Variants in SEMA3E observed in about 807,000 individuals in gnomAD.
SEMA3E encodes semaphorin-3E.
A neutral mutation model predicts 93.6 loss-of-function variants in SEMA3E; 49 were observed. The ratio of observed to expected loss-of-function variants is 0.52; its 90% CI spans 0.42 to 0.66. SEMA3E has a LOEUF of 0.66. SEMA3E is among the 30% of genes least tolerant of loss of function. SEMA3E has a pLI of 0.00. For missense variants in SEMA3E, 906 were observed against 964.8 expected (o/e 0.94, Z 0.81); for synonymous variants, 363 against 330.7 (o/e 1.10, Z -1.06).
chr7:83,472,504 C>T (rs1789919728), intron 2 of SEMA3E, among the ~76,000 whole-genome samples: 1 of 151,998 alleles, frequency 6.6e-6, no homozygotes, highest in Non-Finnish European at 1.5e-5. Flanking sequence ...ATTGTTTATC[C>T]CCACATCTGC....
intron 1 of SEMA3E, among the ~76,000 whole-genome samples, chr7:83,530,606 G>A (rs1181459247): frequency 1.3e-5 from 2 of 152,148 alleles, no homozygotes; most frequent in Admixed American, 6.6e-5. Context: ...GCCAGGCGTG[G>A]TGGCTCATGC....
chr7:83,472,355 T>C (rs980705150), intron 2 of SEMA3E, among the ~76,000 whole-genome samples: 2 of 152,204 alleles, frequency 1.3e-5, no homozygotes, highest in Non-Finnish European at 2.9e-5. Context: ...TAAAAATTCA[T>C]ATTTATCTGT....
chr7:83,459,443 C>T (rs1789562940), intron 4 of SEMA3E, among the ~76,000 whole-genome samples: 1 of 152,126 alleles, frequency 6.6e-6, no homozygotes, highest in Non-Finnish European at 1.5e-5. Flanking sequence ...GGTAAATATT[C>T]TGACTGTGTA....
chr7:83,540,218 C>A (rs1791492715), intron 1 of SEMA3E, among the ~76,000 whole-genome samples: 1 of 152,108 alleles, frequency 6.6e-6, no homozygotes, highest in Non-Finnish European at 1.5e-5. Flanking sequence ...AGAACAAATA[C>A]AATTAGCTAG....
At chr7:83,602,666 C>T (rs937538004) in intron 1 of SEMA3E, among the ~76,000 whole-genome samples, 2 of 151,988 alleles carry the variant, frequency 1.3e-5, no homozygotes, top group East Asian at 1.9e-4. Context: ...TTAGTAGAAA[C>T]GGGGTTTCAC....
At chr7:83,568,415 C>T (rs1027362638) in intron 1 of SEMA3E, among the ~76,000 whole-genome samples, 2 of 151,878 alleles carry the variant, frequency 1.3e-5, no homozygotes, top group Non-Finnish European at 2.9e-5. Context: ...AGCAAAGAGT[C>T]GACAACAACA....
At chr7:83,647,363 T>C (rs913608826) in intron 1 of SEMA3E, among the ~76,000 whole-genome samples, 5 of 152,146 alleles carry the variant, frequency 3.3e-5, no homozygotes, top group African/African-American at 1.2e-4. Flanking sequence ...AAATACAAGC[T>C]TCTGTTCTTT....
At chr7:83,617,571 TA>T (rs1277041889) in intron 1 of SEMA3E, among the ~76,000 whole-genome samples, 1 of 146,706 alleles carries the variant, frequency 6.8e-6, no homozygotes, top group Non-Finnish European at 1.5e-5. Context: ...AAATTTTATA[TA>T]AGTAATATAT....
intron 4 of SEMA3E, among the ~76,000 whole-genome samples, chr7:83,456,673 G>T (rs1238131997): frequency 6.6e-6 from 1 of 151,428 alleles, no homozygotes; most frequent in Non-Finnish European, 1.5e-5. Flanking sequence ...GAGTGCAATA[G>T]TGAGATTTTG....
Position 83,363,704 on chromosome 7 carries a change from T to C in SEMA3E, c.*3882A>G, listed in dbSNP as rs1794618328. ...TGTTGGCCTGAAAAATGAGTCCTTT[T>C]TTAAAATGGAACTCAGTGTGACGCT... On this transcript the variant is annotated 3_prime_UTR_variant, in exon 17 of 17. Coordinates refer to ENST00000643230, the MANE Select transcript of SEMA3E (RefSeq NM_012431.3). 1 of 152,158 alleles carries C rather than the reference T, an allele frequency of 6.6e-6. No homozygotes were observed. The highest frequency in any genetic ancestry group is 6.5e-5 in the Admixed American group (1 of 15,278). The allele number at this position is 152,158 out of a possible 1,614,324, so 9.4% of individuals were successfully genotyped here. A position where few individuals can be genotyped will look rare whatever the true frequency, so the allele number is the denominator to read the frequency against.
Position 83,363,331 on chromosome 7 carries a change from C to T in SEMA3E, c.*4255G>A, listed in dbSNP as rs868267470. 1 of 152,106 alleles carries T rather than the reference C, an allele frequency of 6.6e-6. No homozygotes were observed. Among genetic ancestry groups the T allele is most frequent in the Non-Finnish European group, 1.5e-5 (1 of 68,026 alleles). The allele number at this position is 152,106 out of a possible 1,614,324, so 9.4% of individuals were successfully genotyped here. A position where few individuals can be genotyped will look rare whatever the true frequency, so the allele number is the denominator to read the frequency against. On this transcript the variant is annotated 3_prime_UTR_variant, in exon 17 of 17. Coordinates refer to ENST00000643230, the MANE Select transcript of SEMA3E (RefSeq NM_012431.3). ...TACATAGCGCGTAGTGGCAGATCCA[C>T]GTTGTAGTCAAAGAGACACACTGTT...
intron 1 of SEMA3E, among the ~76,000 whole-genome samples, chr7:83,532,655 C>T (rs1024745131): frequency 6.6e-6 from 1 of 151,528 alleles, no homozygotes; most frequent in Non-Finnish European, 1.5e-5. Context: ...GACTTATTCT[C>T]TCAATACTTC....
intron 4 of SEMA3E, among the ~76,000 whole-genome samples, chr7:83,465,305 G>A (rs1230541679): frequency 3.3e-5 from 5 of 151,882 alleles, no homozygotes; most frequent in Non-Finnish European, 4.4e-5. Flanking sequence ...GACTCAGCCC[G>A]CCTGCACCCA....
At chr7:83,409,793 A>T (rs1788404011) in intron 5 of SEMA3E, among the ~76,000 whole-genome samples, 1 of 151,680 alleles carries the variant, frequency 6.6e-6, no homozygotes, top group Non-Finnish European at 1.5e-5. Flanking sequence ...AAATTGTTTA[A>T]TTATTTATGA....
In SEMA3E at chr7:83,538,610, A is replaced by G. The variant is rs532561746; in HGVS notation, c.116-48336T>C. ...TTAAATCATTATTTTTTACATGATTATAAAAATGATTAAGATATAAAATGT... is the reference window on the plus strand; with the variant it reads ...TTAAATCATTATTTTTTACATGATTGTAAAAATGATTAAGATATAAAATGT... On this transcript the variant is annotated intron_variant, in intron 1 of 16. Transcript: ENST00000643230. 2.5e-4 allele frequency among the ~76,000 whole-genome samples: 38 copies of G among 152,326 alleles called. No homozygotes were observed. The South Asian group carries it at 7.5e-3, about 30-fold the overall frequency.
chr7:83,623,927 A>G (rs1230948652), intron 1 of SEMA3E, among the ~76,000 whole-genome samples: 1 of 102,448 alleles, frequency 9.8e-6, no homozygotes, highest in Non-Finnish European at 1.8e-5. Flanking sequence ...CCCTGTGCCC[A>G]TGTGTTCTCA....
At chr7:83,573,909 CTAAT>C (rs1327886486) in intron 1 of SEMA3E, among the ~76,000 whole-genome samples, 5 of 151,488 alleles carry the variant, frequency 3.3e-5, no homozygotes, top group East Asian at 1.9e-4. Context: ...TTTTAAAGCT[CTAAT>C]TAATTTATTA....
chr7:83,523,661 C>T (rs562141781), intron 1 of SEMA3E, among the ~76,000 whole-genome samples: 51 of 152,142 alleles, frequency 3.4e-4, no homozygotes, highest in Middle Eastern at 3.4e-3. Flanking sequence ...ATCACCCTGT[C>T]TCCTTGGTGG....
intron 1 of SEMA3E, among the ~76,000 whole-genome samples, chr7:83,602,910 A>T (rs1793027847): frequency 6.6e-6 from 1 of 152,182 alleles, no homozygotes; most frequent in Non-Finnish European, 1.5e-5. Context: ...ATTATTTTAC[A>T]TCATAATTGT....
Sources: gnomAD v4.1 joint callset for allele counts (sites outside exome capture counted in the v4.1 genomes callset) on GRCh38, gnomAD v4.1.1 for gene constraint, MANE v1.5 for transcripts, NCBI Gene and HGNC (gene_info 2026-07-23, HGNC 2026-07-21) for gene names.